CSNK1G1: variants seen among roughly 807,000 people sequenced by gnomAD.
CSNK1G1 encodes the protein casein kinase I isoform gamma-1.
Under a neutral mutation model 59.6 loss-of-function variants are expected in CSNK1G1, and 22 were observed. The observed-to-expected ratio is 0.37, with a 90% CI of 0.26 to 0.53. CSNK1G1 has a LOEUF of 0.53. Among genes scored for constraint, CSNK1G1 ranks in the 20% least tolerant of loss-of-function variants. The probability of loss-of-function intolerance (pLI) is 0.89; values close to 1 mark genes in which losing one functional copy is unlikely to be tolerated. For missense variants in CSNK1G1, 384 were observed against 519.5 expected (o/e 0.74, Z 2.54); for synonymous variants, 179 against 177.1 (o/e 1.01, Z -0.08).
At chr15:64,291,752 C>T (rs1427311368) in intron 2 of CSNK1G1, among the ~76,000 whole-genome samples, 1 of 152,154 alleles carries the variant, frequency 6.6e-6, no homozygotes, top group Non-Finnish European at 1.5e-5. Flanking sequence ...GTTCTGCCTG[C>T]TCACTTTTCT....
intron 11 of CSNK1G1, among the ~76,000 whole-genome samples, chr15:64,173,364 A>G (rs1490352000): frequency 1.3e-5 from 2 of 152,198 alleles, no homozygotes; most frequent in Non-Finnish European, 2.9e-5. Context: ...ATCAAACATG[A>G]AAATTTTAGA....
chr15:64,336,065 C>G (rs539751439), intron 1 of CSNK1G1, among the ~76,000 whole-genome samples: 1 of 152,224 alleles, frequency 6.6e-6, no homozygotes, highest in South Asian at 2.1e-4. Flanking sequence ...ATTTATGTGG[C>G]TATTTTTTAC....
chr15:64,324,033 T>C (rs1457173128), intron 1 of CSNK1G1, among the ~76,000 whole-genome samples: 1 of 152,162 alleles, frequency 6.6e-6, no homozygotes, highest in African/African-American at 2.4e-5. Context: ...TAATTCTCAC[T>C]TCACAGATGA....
At chr15:64,278,410 GTGTGTGTGTA>G (rs1485161073) in intron 2 of CSNK1G1, among the ~76,000 whole-genome samples, 16 of 114,968 alleles carry the variant, frequency 1.4e-4, no homozygotes, top group African/African-American at 4.8e-4. Context: ...GTGTGTGTGT[GTGTGTGTGTA>G]TATATATATA....
chr15:64,270,101 C>T (rs910996409), intron 2 of CSNK1G1, among the ~76,000 whole-genome samples: 12 of 152,232 alleles, frequency 7.9e-5, no homozygotes, highest in Admixed American at 2.0e-4. Flanking sequence ...AGCCACCACA[C>T]CTGGCCTCTG....
At chr15:64,302,681 T>C (rs1028933540) in intron 1 of CSNK1G1, among the ~76,000 whole-genome samples, 1 of 152,172 alleles carries the variant, frequency 6.6e-6, no homozygotes, top group Non-Finnish European at 1.5e-5. Context: ...AATATCATAA[T>C]TGTTGGGAGT....
rs555985075 is a variant in CSNK1G1, at chr15:64,260,864, G to A, written c.182-1623C>T. On this transcript the variant is annotated intron_variant, in intron 2 of 11. Transcript: ENST00000303052. ...ACTTTTCATACTGCCATCAGATTGCGAGTACCTTTACGTGTCAAAGAGTAC... is the reference window on the plus strand; with the variant it reads ...ACTTTTCATACTGCCATCAGATTGCAAGTACCTTTACGTGTCAAAGAGTAC... 7.2e-5 allele frequency among the ~76,000 whole-genome samples: 11 copies of A among 152,184 alleles called. No individual in the cohort carries two copies. In the East Asian group the frequency reaches 1.3e-3, roughly 19 times the overall value.
chr15:64,320,678 CAAA>C (rs1031206646), intron 1 of CSNK1G1, among the ~76,000 whole-genome samples: 2 of 43,140 alleles, frequency 4.6e-5, no homozygotes, highest in African/African-American at 7.9e-5. Context: ...GGCTCCATCA[CAAA>C]AAAAAAAAAA....
At chr15:64,192,840 TAAAAAAAAAAAAAA>T (rs66643774) in intron 10 of CSNK1G1, among the ~76,000 whole-genome samples, 29 of 32,238 alleles carry the variant, frequency 9.0e-4, no homozygotes, top group South Asian at 6.1e-3. Context: ...GAGATCTGCC[TAAAAAAAAAAAAAA>T]AAAAAAAAAA....
rs148684603 is a variant in CSNK1G1, at chr15:64,167,029, G to A, written c.*4902C>T. ...CCTTGAAAGGTGATTTACAAATACC[G>A]GAAGTGGGTTTTCTGGTTGTGTTTT... On this transcript the variant is annotated 3_prime_UTR_variant, in exon 12 of 12. Coordinates refer to ENST00000303052, the MANE Select transcript of CSNK1G1 (RefSeq NM_022048.5). 1 of 152,152 alleles carries A rather than the reference G, an allele frequency of 6.6e-6. No homozygotes were observed. Among genetic ancestry groups the A allele is most frequent in the Non-Finnish European group, 1.5e-5 (1 of 68,012 alleles). The allele number at this position is 152,152 out of a possible 1,614,324, so 9.4% of individuals were successfully genotyped here. A position where few individuals can be genotyped will look rare whatever the true frequency, so the allele number is the denominator to read the frequency against.
At chr15:64,193,239 C>G (rs1208336183) in intron 10 of CSNK1G1, among the ~76,000 whole-genome samples, 1 of 151,936 alleles carries the variant, frequency 6.6e-6, no homozygotes, top group South Asian at 2.1e-4. Flanking sequence ...CGCCTGTAAT[C>G]CCAGCACTTT....
chr15:64,191,641 T>C (rs1246347137), intron 10 of CSNK1G1, among the ~76,000 whole-genome samples: 7 of 152,220 alleles, frequency 4.6e-5, no homozygotes, highest in African/African-American at 1.2e-4. Context: ...AAAAATCACA[T>C]TCCATCTCCA....
chr15:64,301,842 G>A (rs1566939487), intron 1 of CSNK1G1, among the ~76,000 whole-genome samples: 3 of 151,856 alleles, frequency 2.0e-5, no homozygotes, highest in South Asian at 2.1e-4. Flanking sequence ...AGCCGAGCTC[G>A]TGCTACTGCA....
intron 1 of CSNK1G1, among the ~76,000 whole-genome samples, chr15:64,343,031 G>A (rs958032819): frequency 2.6e-5 from 4 of 152,064 alleles, no homozygotes; most frequent in African/African-American, 7.2e-5. Flanking sequence ...TGACCAACAT[G>A]GAGAAACCCT....
rs537997078 is a variant in CSNK1G1, at chr15:64,302,654, A to G, written c.-224-1931T>C. 6.6e-5 allele frequency among the ~76,000 whole-genome samples: 10 copies of G among 152,266 alleles called. No individual in the cohort carries two copies. The South Asian group carries it at 2.1e-3, about 32-fold the overall frequency. ...TTGCCTAAATCCCTCAAATGATATT[A>G]GAAAGAAAGAGAAAAAAATATCATA... On this transcript the variant is annotated intron_variant, in intron 1 of 11. Transcript: ENST00000303052.
chr15:64,316,463 G>C (rs72756997), intron 1 of CSNK1G1, among the ~76,000 whole-genome samples: 6,617 of 146,194 alleles, frequency 0.045, 192 homozygotes, highest in South Asian at 0.084. Flanking sequence ...TGGAACTCAG[G>C]AGGTGGAGGG....
In CSNK1G1 at chr15:64,295,858, T is replaced by G. The variant is rs370332035; in HGVS notation, c.181+4461A>C. Among the ~76,000 whole-genome samples the G allele has an allele frequency of 2.0e-5, 3 of 152,332 alleles. No individual in the cohort carries two copies. The East Asian group carries it at 5.8e-4, about 29-fold the overall frequency. ...GATAAAGTCCAAATGCTTTAATATATGCAAACACTTCACAATTTCGTCCCA... is the reference window on the plus strand; with the variant it reads ...GATAAAGTCCAAATGCTTTAATATAGGCAAACACTTCACAATTTCGTCCCA... On this transcript the variant is annotated intron_variant, in intron 2 of 11. Transcript: ENST00000303052.
intron 2 of CSNK1G1, among the ~76,000 whole-genome samples, chr15:64,274,207 C>T (rs1816216640): frequency 6.6e-6 from 1 of 152,148 alleles, no homozygotes; most frequent in Non-Finnish European, 1.5e-5. Context: ...AGCATTGCCT[C>T]AAATGAATTT....
At chr15:64,175,739 G>A (rs1244395265) in intron 11 of CSNK1G1, among the ~76,000 whole-genome samples, 1 of 152,170 alleles carries the variant, frequency 6.6e-6, no homozygotes, top group African/African-American at 2.4e-5. Flanking sequence ...CCCTGAAGGA[G>A]CTCCCCCTTT....
Sources: allele counts gnomAD v4.1 joint callset (sites outside exome capture counted in the v4.1 genomes callset), GRCh38; gene constraint gnomAD v4.1.1; transcripts MANE v1.5; gene names NCBI Gene and HGNC (gene_info 2026-07-23, HGNC 2026-07-21).